The following CDK19 variants were observed in gnomAD, a reference collection of about 807,000 sequenced individuals.
The protein encoded by CDK19 is cyclin-dependent kinase 19.
CDK19 carries 20 observed loss-of-function variants against 68.3 expected under a neutral mutation model. The ratio of observed to expected loss-of-function variants is 0.29; its 90% CI spans 0.21 to 0.43. The LOEUF is 0.43. Among genes scored for constraint, CDK19 ranks in the 20% least tolerant of loss-of-function variants. CDK19 has a pLI of 1.00. For synonymous variants in CDK19, 221 were observed against 222.8 expected, an observed-to-expected ratio of 0.99 and a Z score of 0.07; for missense variants, 339 against 623.5, an observed-to-expected ratio of 0.54 and a Z score of 4.86.
At chr6:110,776,890 C>G (rs1234899975) in intron 1 of CDK19, among the ~76,000 whole-genome samples, 1 of 152,198 alleles carries the variant, frequency 6.6e-6, no homozygotes, top group African/African-American at 2.4e-5. Context: ...AGCACTAACT[C>G]ATTCGGTCTT....
chr6:110,692,351 A>C (rs921576285), intron 2 of CDK19, among the ~76,000 whole-genome samples: 5 of 152,100 alleles, frequency 3.3e-5, no homozygotes, highest in Non-Finnish European at 5.9e-5. Context: ...AATGTAGTAG[A>C]AAGTTTTAAC....
intron 2 of CDK19, among the ~76,000 whole-genome samples, chr6:110,690,378 G>C (rs1772878265): frequency 2.0e-5 from 3 of 152,302 alleles, no homozygotes; most frequent in Middle Eastern, 6.8e-3. Context: ...CTTCCCTGCT[G>C]ACCTGGCAGG....
intron 2 of CDK19, among the ~76,000 whole-genome samples, chr6:110,722,782 C>T (rs1582950931): frequency 6.6e-6 from 1 of 151,754 alleles, no homozygotes; most frequent in Admixed American, 6.6e-5. Flanking sequence ...GGGAGGATCA[C>T]CTGAGTCTGG....
At chr6:110,772,105 G>A (rs191681110) in intron 1 of CDK19, among the ~76,000 whole-genome samples, 5 of 152,178 alleles carry the variant, frequency 3.3e-5, no homozygotes, top group Non-Finnish European at 4.4e-5. Flanking sequence ...TTTCAGCAGC[G>A]CCCCACTCTA....
intron 1 of CDK19, among the ~76,000 whole-genome samples, chr6:110,762,794 A>G (rs772088314): frequency 6.6e-6 from 1 of 152,216 alleles, no homozygotes; most frequent in African/African-American, 2.4e-5. Flanking sequence ...ACAAATACAT[A>G]TCAGTAAAAA....
chr6:110,796,912 A>G (rs901405573), intron 1 of CDK19, among the ~76,000 whole-genome samples: 1 of 151,226 alleles, frequency 6.6e-6, no homozygotes, highest in East Asian at 1.9e-4. Flanking sequence ...CAGGAGACTG[A>G]GGCACGAGAA....
chr6:110,759,428 A>ATATATATATATATATATATATAT (rs1554219514), intron 1 of CDK19, among the ~76,000 whole-genome samples: 38 of 50,866 alleles, frequency 7.5e-4, no homozygotes, highest in African/African-American at 2.7e-3. Flanking sequence ...AAAAAAAAAA[A>ATATATATATATATATATATATAT]ATATATATAT....
At chr6:110,643,128 T>C in intron 4 of CDK19, 5 of 1,201,960 alleles carry the variant, frequency 4.2e-6, no homozygotes, top group Non-Finnish European at 5.4e-6. Context: ...TCAAGGGCAC[T>C]AAAGGAAACC....
intron 1 of CDK19, among the ~76,000 whole-genome samples, chr6:110,782,071 A>T (rs1780864625): frequency 6.6e-6 from 1 of 152,242 alleles, no homozygotes; most frequent in Non-Finnish European, 1.5e-5. Context: ...CTAATAAAAG[A>T]AACAATTAGA....
At chr6:110,768,903 A>G (rs1295083892) in intron 1 of CDK19, among the ~76,000 whole-genome samples, 1 of 152,170 alleles carries the variant, frequency 6.6e-6, no homozygotes, top group Non-Finnish European at 1.5e-5. Context: ...CTGTAATCCT[A>G]GCACTTTGGG....
chr6:110,781,006 A>T (rs1477682844), intron 1 of CDK19, among the ~76,000 whole-genome samples: 3 of 152,216 alleles, frequency 2.0e-5, no homozygotes, highest in Non-Finnish European at 4.4e-5. Context: ...AGCATTATGT[A>T]GTTCTTTATG....
chr6:110,726,892 A>C (rs1176311266), intron 2 of CDK19, among the ~76,000 whole-genome samples: 1 of 152,202 alleles, frequency 6.6e-6, no homozygotes, highest in African/African-American at 2.4e-5. Flanking sequence ...ATAATCCCAT[A>C]AAGTCTACAA....
intron 2 of CDK19, among the ~76,000 whole-genome samples, chr6:110,697,972 T>C (rs764462889): frequency 6.6e-6 from 1 of 152,114 alleles, no homozygotes; most frequent in Admixed American, 6.6e-5. Flanking sequence ...AGGTAGAAGA[T>C]GAAACTGGAT....
At chr6:110,644,690 G>A (rs1434876058) in intron 4 of CDK19, among the ~76,000 whole-genome samples, 1 of 151,956 alleles carries the variant, frequency 6.6e-6, no homozygotes, top group African/African-American at 2.4e-5. Flanking sequence ...CACACTTCTT[G>A]CCCCCGACCA....
rs184768171 is a variant in CDK19 at position 110,798,830 on chromosome 6, A to C, written c.128+16179T>G. Among the ~76,000 whole-genome samples the C allele has an allele frequency of 7.9e-5, 12 of 152,106 alleles. No individual in the cohort carries two copies. In the East Asian group the frequency reaches 2.3e-3, roughly 29 times the overall value. ...AGAACTCAGAAAATCTACACATCCT[A>C]TATGAAAATGCTACTTAAAAAGACA... On this transcript the variant is annotated intron_variant, in intron 1 of 12. Coordinates refer to ENST00000368911, the MANE Select transcript of CDK19 (RefSeq NM_015076.5).
At chr6:110,724,861 T>C (rs533485223) in intron 2 of CDK19, among the ~76,000 whole-genome samples, 39 of 152,166 alleles carry the variant, frequency 2.6e-4, no homozygotes, top group African/African-American at 9.2e-4. Context: ...TATAAACACC[T>C]AGGTGGAAAA....
intron 2 of CDK19, among the ~76,000 whole-genome samples, chr6:110,674,062 A>C (rs1771257526): frequency 6.6e-6 from 1 of 152,200 alleles, no homozygotes; most frequent in Admixed American, 6.5e-5. Flanking sequence ...CATTTTGGTA[A>C]TTCTTACAAC....
At chr6:110,770,339 C>T (rs1779923956) in intron 1 of CDK19, among the ~76,000 whole-genome samples, 1 of 152,076 alleles carries the variant, frequency 6.6e-6, no homozygotes, top group African/African-American at 2.4e-5. Context: ...CTGGGGAGGC[C>T]TCAGAATCAT....
At chr6:110,776,099 T>A (rs536446384) in intron 1 of CDK19, among the ~76,000 whole-genome samples, 19 of 152,300 alleles carry the variant, frequency 1.2e-4, no homozygotes, top group African/African-American at 3.8e-4. Context: ...TGCATTCTAT[T>A]TAAATTAGCG....
Sources: allele counts gnomAD v4.1 joint callset (sites outside exome capture counted in the v4.1 genomes callset), GRCh38; gene constraint gnomAD v4.1.1; transcripts MANE v1.5; gene names NCBI Gene and HGNC (gene_info 2026-07-23, HGNC 2026-07-21).